The following RTN3 variants were observed in gnomAD, a reference collection of about 807,000 sequenced individuals.
RTN3 encodes the protein reticulon-3.
RTN3 carries 49 observed loss-of-function variants against 77.8 expected under a neutral mutation model. That is an observed-to-expected ratio of 0.63 (90% CI 0.50 to 0.80). RTN3 has a LOEUF of 0.80. Among genes scored for constraint, RTN3 ranks in the 30% least tolerant of loss-of-function variants. RTN3 has a pLI of 0.00. For missense variants in RTN3, 1,236 were observed against 1,211.9 expected (o/e 1.02, Z -0.29); for synonymous variants, 464 against 446.9 (o/e 1.04, Z -0.48).
At chr11:63,735,550 TTC>T (rs71468640) in intron 3 of RTN3, among the ~76,000 whole-genome samples, 1,343 of 42,650 alleles carry the variant, frequency 0.031, 21 homozygotes, top group African/African-American at 0.057. Flanking sequence ...ATTCTAACAT[TTC>T]TCTCTCTCTC....
At chr11:63,751,816 A>G (rs1416961859) in intron 4 of RTN3, among the ~76,000 whole-genome samples, 1 of 152,018 alleles carries the variant, frequency 6.6e-6, no homozygotes, top group African/African-American at 2.4e-5. Flanking sequence ...ACATGGTGAA[A>G]CCTCGTCTTT....
In RTN3 at chr11:63,705,300, C is replaced by G. The variant is rs571127542; in HGVS notation, c.199+393C>G. On this transcript the variant is annotated intron_variant, in intron 2 of 8. Transcript: ENST00000377819. ...CTCATGAGTTTGAGACCAGTCTGGG[C>G]AACATGGTGAAACCCTGTGTCTACA... Among the ~76,000 whole-genome samples the G allele has an allele frequency of 3.3e-5, 5 of 152,266 alleles. No homozygotes were observed. The East Asian group carries it at 7.7e-4, about 24-fold the overall frequency.
chr11:63,702,951 C>T (rs770877185), intron 1 of RTN3, among the ~76,000 whole-genome samples: 5 of 152,032 alleles, frequency 3.3e-5, no homozygotes, highest in Non-Finnish European at 5.9e-5. Flanking sequence ...TCCCAAAGTG[C>T]TGGGATTACA....
intron 2 of RTN3, among the ~76,000 whole-genome samples, chr11:63,706,775 T>G (rs1942513021): frequency 6.6e-6 from 1 of 152,188 alleles, no homozygotes. Context: ...AGGTATTAAA[T>G]TATTCTACTG....
intron 2 of RTN3, among the ~76,000 whole-genome samples, chr11:63,716,977 A>AAG (rs1333274334): frequency 1.8e-5 from 1 of 54,240 alleles, no homozygotes; most frequent in African/African-American, 4.6e-5. Context: ...TCAAAAAAAA[A>AAG]ACAAAAAAAA....
At chr11:63,716,732 G>A (rs1487173093) in intron 2 of RTN3, among the ~76,000 whole-genome samples, 4 of 152,128 alleles carry the variant, frequency 2.6e-5, no homozygotes, top group East Asian at 1.9e-4. Flanking sequence ...TTGGGAGGCC[G>A]AGGCAGGCGG....
chr11:63,737,952 C>T (rs2013238832), intron 3 of RTN3, among the ~76,000 whole-genome samples: 1 of 152,128 alleles, frequency 6.6e-6, no homozygotes, highest in African/African-American at 2.4e-5. Flanking sequence ...GGTGGATTTC[C>T]TTGGTTAAGG....
intron 1 of RTN3, among the ~76,000 whole-genome samples, chr11:63,702,298 TTTTTTTTG>T (rs911527531): frequency 5.5e-4 from 84 of 151,428 alleles, no homozygotes; most frequent in African/African-American, 1.6e-3. Flanking sequence ...TTGGTTTTGG[TTTTTTTTG>T]TTTTTTTGTT....
chr11:63,683,380 C>A (rs1396579656), intron 1 of RTN3, among the ~76,000 whole-genome samples: 1 of 152,194 alleles, frequency 6.6e-6, no homozygotes, highest in Non-Finnish European at 1.5e-5. Context: ...CCCTTTTGTA[C>A]TTACCTTTTG....
chr11:63,693,237 A>T (rs996824194), intron 1 of RTN3, among the ~76,000 whole-genome samples: 2 of 152,194 alleles, frequency 1.3e-5, no homozygotes, highest in Admixed American at 1.3e-4. Flanking sequence ...TAATCCCAGC[A>T]CTTTGGGAGG....
Position 63,719,830 on chromosome 11 carries a change from A to T in RTN3, c.1328A>T (p.Gln443Leu), listed in dbSNP as rs2011626428. 1.2e-6 allele frequency: 2 copies of T among 1,614,224 alleles called. No individual in the cohort carries two copies. The highest frequency in any genetic ancestry group is 1.7e-6 in the Non-Finnish European group (2 of 1,180,042). Reference sequence around the variant, plus strand: ...GGTGTGCAAGGCAATATGCAGAAACAGGATGACACACTTGCAGAATTACCT... The same window carrying T: ...GGTGTGCAAGGCAATATGCAGAAACTGGATGACACACTTGCAGAATTACCT... ...IKGVQGNMQK[Q>L]DDTLAELPGS... is the part of the protein sequence containing the mutation. Residue 443 changes from glutamine to leucine, a missense_variant, in exon 3 of 9, where the codon CAG (glutamine) becomes CTG (leucine). Coordinates refer to ENST00000377819, the MANE Select transcript of RTN3 (RefSeq NM_001265589.2).
chr11:63,731,074 G>T (rs770207806), intron 3 of RTN3, among the ~76,000 whole-genome samples: 2 of 151,032 alleles, frequency 1.3e-5, no homozygotes, highest in Admixed American at 6.6e-5. Flanking sequence ...AATTTCAAAG[G>T]ATTTTTTTTT....
rs141376365 is a variant in RTN3 at position 63,740,065 on chromosome 11, C to T, written c.2531-9926C>T. On this transcript the variant is annotated intron_variant, in intron 3 of 8. Coordinates refer to ENST00000377819, the MANE Select transcript of RTN3 (RefSeq NM_001265589.2). ...CAAATTACTACCTACATGTTGATAA[C>T]TCCCAAATCTATACTCTATGTTGGT... Among the ~76,000 whole-genome samples, 486 of 152,246 alleles carry T rather than the reference C, an allele frequency of 3.2e-3. 1 individual carries two copies. The highest frequency in any genetic ancestry group is 6.8e-3 in the Middle Eastern group (2 of 294).
chr11:63,754,944 A>AAAG (rs71039671), intron 7 of RTN3, among the ~76,000 whole-genome samples: 27 of 149,946 alleles, frequency 1.8e-4, no homozygotes, highest in African/African-American at 6.2e-4. Context: ...AAAAAAAAAA[A>AAAG]TGCTTAGATG....
chr11:63,682,777 G>T (rs1222763010), intron 1 of RTN3, among the ~76,000 whole-genome samples: 1 of 152,080 alleles, frequency 6.6e-6, no homozygotes, highest in African/African-American at 2.4e-5. Context: ...CTGCCTGCTG[G>T]TAAGAGCTGC....
intron 3 of RTN3, among the ~76,000 whole-genome samples, chr11:63,723,966 T>A (rs2012015273): frequency 6.6e-6 from 1 of 152,072 alleles, no homozygotes; most frequent in Admixed American, 6.6e-5. Flanking sequence ...ACTCTCATAG[T>A]TTGGGGAAGA....
At position 63,697,792 on chromosome 11, in the gene RTN3, A is replaced by G. The variant is rs901122581; in HGVS notation, c.143-7059A>G. Among the ~76,000 whole-genome samples the G allele has an allele frequency of 7.2e-5, 11 of 152,118 alleles. No individual in the cohort carries two copies. The East Asian group carries it at 1.5e-3, about 21-fold the overall frequency. On this transcript the variant is annotated intron_variant, in intron 1 of 8. Transcript: ENST00000377819. ...CGCCCGGCCCACCTGTGCTTTTTCAATCCCATATCTTCTAGCAATTTTGTG... is the reference window on the plus strand; with the variant it reads ...CGCCCGGCCCACCTGTGCTTTTTCAGTCCCATATCTTCTAGCAATTTTGTG...
chr11:63,720,099 A>G lies in RTN3; in HGVS notation c.1597A>G (p.Lys533Glu), dbSNP rs1171845160. The change falls in exon 3 of 9, where the codon AAA (lysine) becomes GAA (glutamate). Residue 533 changes from lysine to glutamate, a missense_variant. Coordinates refer to ENST00000377819, the MANE Select transcript of RTN3 (RefSeq NM_001265589.2). The stretch of plus-strand genomic sequence containing the variant: ...TGTTTCCATTCCAAGTGCTGTTGTA[A>G]AAACAGGTGAAAGAGAAATCAAAGA... ...KPVSIPSAVV[K>E]TGEREIKEIP... 6.2e-7 allele frequency: 1 copy of G among 1,613,408 alleles called. No homozygotes were observed. Among genetic ancestry groups the G allele is most frequent in the Non-Finnish European group, 8.5e-7 (1 of 1,179,838 alleles).
chr11:63,736,309 T>C (rs1345303926), intron 3 of RTN3, among the ~76,000 whole-genome samples: 2 of 152,212 alleles, frequency 1.3e-5, no homozygotes, highest in Admixed American at 6.5e-5. Context: ...GAGAATCTTA[T>C]ACAGTCAGTC....
Sources: allele counts gnomAD v4.1 joint callset (sites outside exome capture counted in the v4.1 genomes callset), GRCh38; gene constraint gnomAD v4.1.1; transcripts MANE v1.5; gene names NCBI Gene and HGNC (gene_info 2026-07-23, HGNC 2026-07-21).